The following ITGAM variants were observed in gnomAD, a reference collection of about 807,000 sequenced individuals.
ITGAM encodes integrin subunit alpha M, also known as integrin alpha-M.
Under a neutral mutation model 137.5 loss-of-function variants are expected in ITGAM, and 79 were observed. The ratio of observed to expected loss-of-function variants is 0.57; its 90% confidence interval spans 0.48 to 0.69. The LOEUF (loss-of-function observed/expected upper bound fraction) is 0.69. ITGAM is among the 30% of genes least tolerant of loss of function. The pLI, the probability that ITGAM is intolerant of heterozygous loss-of-function variation, is 0.00. For synonymous variants in ITGAM, 583 were observed against 592.3 expected (o/e 0.98, Z 0.23); for missense variants, 1,343 against 1,483.5 (o/e 0.91, Z 1.56).
rs1491352054 is a variant in ITGAM, at chr16:31,330,582, CAG to C, written c.3254_3255del (p.Gln1085ArgfsTer58). The C allele has an allele frequency of 3.1e-6, 5 of 1,611,482 alleles. No homozygotes were observed. The highest frequency in any genetic ancestry group is 2.2e-5 in the East Asian group (1 of 44,810). ...NDSVFTLLPG[Q>X]GAFVRSQTET... ...TTCCGTGTTCACCCTGCTGCCGGGA[CAG>C]GGGGCGTTTGTGAGGTCCCAGGTAC... On this transcript the variant is annotated frameshift_variant, in exon 28 of 30. Transcript: ENST00000544665. LOFTEE classifies it high-confidence loss of function.
intron 11 of ITGAM, among the ~76,000 whole-genome samples, chr16:31,277,736 G>A (rs1302643103): frequency 3.9e-5 from 6 of 152,078 alleles, no homozygotes; most frequent in South Asian, 2.1e-4. Context: ...CAGGTGATCC[G>A]CCTGTCTCGG....
intron 14 of ITGAM, among the ~76,000 whole-genome samples, chr16:31,301,300 AT>A (rs1421089423): frequency 3.2e-4 from 48 of 152,146 alleles, no homozygotes; most frequent in Non-Finnish European, 8.8e-5. Flanking sequence ...CAGTTTCCCA[AT>A]ACCATTTGTC....
chr16:31,281,002 T>A (rs2079963029), intron 12 of ITGAM, among the ~76,000 whole-genome samples: 1 of 152,220 alleles, frequency 6.6e-6, no homozygotes, highest in Admixed American at 6.5e-5. Flanking sequence ...TTGGTTCTGT[T>A]TATATGATGG....
At position 31,325,554 on chromosome 16, in the gene ITGAM, G is replaced by A. The variant is rs199769892; in HGVS notation, c.2560G>A (p.Glu854Lys). The A allele has an allele frequency of 1.8e-5, 29 of 1,613,774 alleles. No homozygotes were observed. The highest frequency in any genetic ancestry group is 4.5e-5 in the East Asian group (2 of 44,882). The change falls in exon 21 of 30, where the codon GAA (glutamate) becomes AAA (lysine). Residue 854 changes from glutamate (E) to lysine (K), a missense_variant. Physicochemically the swap from Glu to Lys is moderately conservative, Grantham distance 56. Coordinates refer to ENST00000544665, the MANE Select transcript of ITGAM (RefSeq NM_000632.4). The part of the protein sequence containing the change: ...RLACESASST[E>K]VSGALKSTSC... ...GGCCTGTGAGTCTGCCTCCTCCACC[G>A]AAGTGTCTGGGGCCTTGAAGAGCAC...
At chr16:31,302,759 A>T (rs2144403245) in intron 14 of ITGAM, among the ~76,000 whole-genome samples, 1 of 150,910 alleles carries the variant, frequency 6.6e-6, no homozygotes, top group East Asian at 2.0e-4. Context: ...CTGGTCTCGA[A>T]CACCTGACCT....
Position 31,329,812 on chromosome 16 carries a change from G to T in ITGAM, c.2883G>T (p.Gly961=), listed in dbSNP as rs199582226. The change falls in exon 25 of 30, where the codon GGG becomes GGT. Residue 961 remains glycine (G), a synonymous_variant. Coordinates refer to ENST00000544665, the MANE Select transcript of ITGAM (RefSeq NM_000632.4). ...CCCCGGTGCAGGTCAGCAACCTGGG[G>T]CAGAGGAGCCTCCCCATCAGCCTGG... ...MQHQYQVSNL[G]QRSLPISLVF... 137 of 1,556,516 alleles carry T rather than the reference G, an allele frequency of 8.8e-5. 2 individuals carry two copies. The African/African-American group carries it at 1.7e-3, about 19-fold the overall frequency.
At position 31,273,381 on chromosome 16, in the gene ITGAM, A is replaced by G. The variant is rs889524923; in HGVS notation, c.721A>G (p.Ile241Val). 1.9e-6 allele frequency: 3 copies of G among 1,613,806 alleles called. No homozygotes were observed. The African/African-American group carries it at 4.0e-5, about 22-fold the overall frequency. The part of the protein sequence containing the change: ...IRKVVRELFN[I>V]TNGARKNAFK... ...CCTGCACAGACGAGAGCTGTTTAAC[A>G]TCACCAACGGAGCCCGAAAGAATGC... Residue 241 changes from isoleucine to valine, a missense_variant, in exon 8 of 30, where the codon ATC becomes GTC. By Grantham distance (29) the Ile-to-Val change is conservative. Transcript: ENST00000544665.
chr16:31,287,210 T>C (rs2080038001), intron 12 of ITGAM, among the ~76,000 whole-genome samples: 1 of 152,210 alleles, frequency 6.6e-6, no homozygotes, highest in African/African-American at 2.4e-5. Context: ...GCTTTATTTC[T>C]GGGCTCTCTG....
chr16:31,302,918 CT>C (rs2080224037), intron 14 of ITGAM, among the ~76,000 whole-genome samples: 5 of 72,944 alleles, frequency 6.9e-5, no homozygotes, highest in Non-Finnish European at 2.6e-5. Flanking sequence ...CTTTCCCTCC[CT>C]CTTTCTTTCT....
intron 12 of ITGAM, among the ~76,000 whole-genome samples, chr16:31,285,436 C>T (rs935339799): frequency 4.6e-5 from 7 of 151,666 alleles, no homozygotes; most frequent in East Asian, 3.9e-4. Flanking sequence ...CGAGCCTGGC[C>T]GATATGGTGA....
intron 14 of ITGAM, among the ~76,000 whole-genome samples, chr16:31,320,483 A>G (rs907107458): frequency 1.3e-5 from 2 of 152,180 alleles, no homozygotes; most frequent in Non-Finnish European, 2.9e-5. Context: ...CACATACTTT[A>G]AAGAGTCAAA....
intron 12 of ITGAM, among the ~76,000 whole-genome samples, chr16:31,290,127 G>C (rs2080072860): frequency 6.9e-6 from 1 of 145,606 alleles, no homozygotes; most frequent in South Asian, 2.2e-4. Flanking sequence ...CTTACATATT[G>C]ATCTTGTATC....
At chr16:31,267,170 C>CCA (rs1351754023) in intron 5 of ITGAM, among the ~76,000 whole-genome samples, 2 of 152,142 alleles carry the variant, frequency 1.3e-5, no homozygotes, top group African/African-American at 4.8e-5. Context: ...GGGGCATGAG[C>CCA]CACCATGCCT....
At chr16:31,326,980 G>A (rs776291155) in intron 22 of ITGAM, 45 bp downstream of exon 22, 38 of 1,414,938 alleles carry the variant, frequency 2.7e-5, no homozygotes, top group South Asian at 6.9e-5. Context: ...CCCGTCTGAC[G>A]CCCCAGCCCC....
At chr16:31,267,049 G>T (rs917359047) in intron 5 of ITGAM, among the ~76,000 whole-genome samples, 2 of 152,070 alleles carry the variant, frequency 1.3e-5, no homozygotes, top group South Asian at 2.1e-4. Context: ...TGTATTTTTA[G>T]CAGAGACGGG....
chr16:31,265,266 C>T, intron 2 of ITGAM, 129 bp from the exon 3 acceptor site: 1 of 492,076 alleles, frequency 2.0e-6, no homozygotes, highest in Non-Finnish European at 3.7e-6. Context: ...GCTAATTCTT[C>T]CTCCTAGTCA....
intron 12 of ITGAM, among the ~76,000 whole-genome samples, chr16:31,295,814 C>A (rs959427714): frequency 9.2e-5 from 14 of 151,828 alleles, no homozygotes; most frequent in Admixed American, 1.3e-4. Context: ...AGTGGTAAAG[C>A]TTTCAATTTT....
chr16:31,330,969 C>T (rs2080574182), intron 28 of ITGAM, among the ~76,000 whole-genome samples, 196 bp from the exon 29 acceptor site: 1 of 146,528 alleles, frequency 6.8e-6, no homozygotes, highest in Non-Finnish European at 1.5e-5. Context: ...AGGCAGAAAG[C>T]GATAGAGAGA....
At chr16:31,281,039 G>A (rs972986441) in intron 12 of ITGAM, among the ~76,000 whole-genome samples, 7 of 152,128 alleles carry the variant, frequency 4.6e-5, no homozygotes, top group Non-Finnish European at 1.0e-4. Context: ...TGCATATGTT[G>A]ATCCAGCCTT....
Sources: gnomAD v4.1 joint callset for allele counts (sites outside exome capture counted in the v4.1 genomes callset) on GRCh38, gnomAD v4.1.1 for gene constraint, MANE v1.5 for transcripts, NCBI Gene and HGNC (gene_info 2026-07-23, HGNC 2026-07-21) for gene names.